The following TRDN variants were observed in gnomAD, a reference collection of about 807,000 sequenced individuals.
TRDN encodes the protein triadin in skeletal muscle.
In TRDN, 161 loss-of-function variants were observed where a neutral mutation model predicts 149.7. That is an observed-to-expected ratio of 1.08 (90% CI 0.95 to 1.23). TRDN has a LOEUF of 1.23. TRDN is among the 50% of genes most tolerant of loss of function. The pLI is 0.00. For missense variants in TRDN, 896 were observed against 823.5 expected (o/e 1.09, Z -1.08); for synonymous variants, 294 against 250.5 (o/e 1.17, Z -1.64).
At chr6:123,573,020 T>TA (rs1424039295) in intron 1 of TRDN, among the ~76,000 whole-genome samples, 9 of 152,078 alleles carry the variant, frequency 5.9e-5, no homozygotes, top group African/African-American at 1.9e-4. Context: ...AGGGTGGAAT[T>TA]AAAGTGCTTC....
In TRDN at chr6:123,323,142, A is replaced by G. The variant is rs1251718434; in HGVS notation, c.1472-6647T>C. Among the ~76,000 whole-genome samples, 5 of 152,312 alleles carry G rather than the reference A, an allele frequency of 3.3e-5. No individual in the cohort carries two copies. The East Asian group carries it at 7.7e-4, about 24-fold the overall frequency. ...ACTTCATTTTTAGGGTGTTTAAACC[A>G]AAATATGAAGCAGAATCCCTGTCTC... On this transcript the variant is annotated intron_variant, in intron 23 of 40. Transcript: ENST00000334268.
intron 1 of TRDN, among the ~76,000 whole-genome samples, chr6:123,632,194 G>A (rs528406596): frequency 1.3e-5 from 2 of 152,164 alleles, no homozygotes; most frequent in East Asian, 3.9e-4. Context: ...TGTTTGTACT[G>A]TAGAGGTTCC....
At chr6:123,404,793 T>A (rs1773129537) in intron 12 of TRDN, among the ~76,000 whole-genome samples, 1 of 152,222 alleles carries the variant, frequency 6.6e-6, no homozygotes, top group Non-Finnish European at 1.5e-5. Flanking sequence ...AGAGTTCAAA[T>A]GCTTTAACTG....
At chr6:123,268,066 G>A (rs1777075436) in intron 31 of TRDN, among the ~76,000 whole-genome samples, 1 of 152,068 alleles carries the variant, frequency 6.6e-6, no homozygotes, top group South Asian at 2.1e-4. Context: ...TGTTTTATTT[G>A]CTGAAAGTTG....
intron 24 of TRDN, among the ~76,000 whole-genome samples, chr6:123,299,422 A>G (rs1418304938): frequency 1.3e-5 from 2 of 152,078 alleles, no homozygotes; most frequent in Admixed American, 6.6e-5. Context: ...GAAACCAAGG[A>G]AATGAGAATA....
intron 13 of TRDN, among the ~76,000 whole-genome samples, 164 bp from the exon 14 acceptor site, chr6:123,388,715 C>T (rs186380483): frequency 1.6e-3 from 242 of 152,076 alleles, no homozygotes; most frequent in African/African-American, 5.5e-3. Flanking sequence ...AATATTACTT[C>T]ATATAAAGAT....
intron 21 of TRDN, chr6:123,350,665 T>C (rs1284979386): frequency 2.3e-5 from 18 of 772,512 alleles, no homozygotes; most frequent in Non-Finnish European, 2.7e-5. Flanking sequence ...GTAATAGATA[T>C]ACTATCATAA....
At chr6:123,613,535 A>T (rs1784914639) in intron 1 of TRDN, among the ~76,000 whole-genome samples, 2 of 152,044 alleles carry the variant, frequency 1.3e-5, no homozygotes, top group South Asian at 4.1e-4. Context: ...CTTTTTTTTT[A>T]AATTAAGCAT....
chr6:123,601,403 T>C (rs1784270737), intron 1 of TRDN, among the ~76,000 whole-genome samples: 3 of 152,118 alleles, frequency 2.0e-5, no homozygotes, highest in Admixed American at 1.3e-4. Context: ...TGCATACCCA[T>C]AGGATTTAAG....
At chr6:123,314,853 G>C (rs1004647422) in intron 24 of TRDN, among the ~76,000 whole-genome samples, 3 of 151,952 alleles carry the variant, frequency 2.0e-5, no homozygotes, top group African/African-American at 7.2e-5. Context: ...AGGGTGGAGG[G>C]TGGGAGGAGG....
intron 1 of TRDN, among the ~76,000 whole-genome samples, chr6:123,609,264 T>C (rs1784674166): frequency 6.6e-6 from 1 of 152,116 alleles, no homozygotes. Context: ...TATCCATGCA[T>C]ATATATGTGG....
In TRDN at chr6:123,218,475, G is replaced by A. The variant is rs1775022749; in HGVS notation, c.*126C>T. 6.8e-6 allele frequency: 8 copies of A among 1,173,482 alleles called. No homozygotes were observed. In the Admixed American group the frequency reaches 1.7e-4, roughly 25 times the overall value. The allele number at this position is 1,173,482 out of a possible 1,614,324, so 72.7% of individuals were successfully genotyped here. A position where few individuals can be genotyped will look rare whatever the true frequency, so the allele number is the denominator to read the frequency against. On this transcript the variant is annotated 3_prime_UTR_variant, in exon 41 of 41. Transcript: ENST00000334268. Reference sequence around the variant, plus strand: ...TTGGCCACCCTTTCCGTCCACACCAGGCCAAAGAGCAAAATGTTTTCACAG... The same window carrying A: ...TTGGCCACCCTTTCCGTCCACACCAAGCCAAAGAGCAAAATGTTTTCACAG...
chr6:123,218,710 A>T lies in TRDN; in HGVS notation c.2081T>A (p.Leu694Ter), dbSNP rs768858868. 5.2e-5 allele frequency: 82 copies of T among 1,586,542 alleles called. 1 individual carries two copies. In the South Asian group the frequency reaches 8.8e-4, roughly 17 times the overall value. ...SPISFFQCVY[L>*]DGYNGYGFQF... ...AAATCCATAGCCATTGTACCCATCC[A>T]AGTAGACACACTGGAAGAAACTGAT... Residue 694 changes from leucine (L) to a stop codon, truncating the protein, a stop_gained, in exon 41 of 41, where the codon TTG (leucine) becomes TAG (stop). Transcript: ENST00000334268. LOFTEE classifies it high-confidence loss of function.
intron 21 of TRDN, among the ~76,000 whole-genome samples, chr6:123,347,017 G>A (rs1040046732): frequency 9.2e-5 from 14 of 152,066 alleles, no homozygotes; most frequent in Admixed American, 2.6e-4. Context: ...ATACCATGGA[G>A]TGTGAAAGTT....
chr6:123,242,430 G>A lies in TRDN; in HGVS notation c.1975+9982C>T, dbSNP rs190931138. Reference sequence around the variant, plus strand: ...CAATGTCTTCCTCCAAACTCCATGAGAAGCACATTATTTATCATATATTTA... The same window carrying A: ...CAATGTCTTCCTCCAAACTCCATGAAAAGCACATTATTTATCATATATTTA... On this transcript the variant is annotated intron_variant, in intron 38 of 40. Transcript: ENST00000334268. 2.6e-5 allele frequency among the ~76,000 whole-genome samples: 4 copies of A among 151,944 alleles called. No individual in the cohort carries two copies. In the East Asian group the frequency reaches 7.8e-4, roughly 30 times the overall value.
At chr6:123,339,775 G>C (rs1484124976) in intron 21 of TRDN, among the ~76,000 whole-genome samples, 1 of 152,138 alleles carries the variant, frequency 6.6e-6, no homozygotes, top group Non-Finnish European at 1.5e-5. Flanking sequence ...ACTAAGACTA[G>C]TGTTCTCAGC....
intron 7 of TRDN, among the ~76,000 whole-genome samples, chr6:123,511,500 A>T (rs1239115385): frequency 6.6e-6 from 1 of 152,172 alleles, no homozygotes; most frequent in Non-Finnish European, 1.5e-5. Context: ...ATAATTTTTT[A>T]AAAAGAAAAT....
At chr6:123,550,185 T>G (rs369811284) in intron 2 of TRDN, among the ~76,000 whole-genome samples, 1 of 151,892 alleles carries the variant, frequency 6.6e-6, no homozygotes, top group Non-Finnish European at 1.5e-5. Context: ...ACCAAGGAAG[T>G]TGACCCAGAG....
chr6:123,570,988 AG>A lies in TRDN; in HGVS notation c.166del (p.Leu56Ter). The stretch of plus-strand genomic sequence containing the variant: ...GGCAACAGCTGACCACGTGATTATC[AG>A]GGCAATGACCAGAAGCCAGGCTGCA... ...SPAAWLLVIA[L>X]IITWSAVAIV... On this transcript the variant is annotated frameshift_variant, in exon 2 of 41. Transcript: ENST00000334268. LOFTEE classifies it high-confidence loss of function. The A allele has an allele frequency of 6.2e-7, 1 of 1,613,976 alleles. No individual in the cohort carries two copies. The highest frequency in any genetic ancestry group is 8.5e-7 in the Non-Finnish European group (1 of 1,179,864).
Sources: allele counts gnomAD v4.1 joint callset (sites outside exome capture counted in the v4.1 genomes callset), GRCh38; gene constraint gnomAD v4.1.1; transcripts MANE v1.5; gene names NCBI Gene and HGNC (gene_info 2026-07-23, HGNC 2026-07-21).